The following SAMMSON variants were observed in gnomAD, a reference collection of about 807,000 sequenced individuals.
SAMMSON encodes survival associated mitochondrial melanoma specific oncogenic non-coding RNA, also known as long intergenic non-protein coding RNA 1212.
intron 1 of SAMMSON, among the ~76,000 whole-genome samples, chr3:70,005,344 GTTC>G (rs1327892348): frequency 7.2e-6 from 1 of 138,062 alleles, no homozygotes; most frequent in Non-Finnish European, 1.6e-5. Context: ...TATCTGGGCA[GTTC>G]TTCTGTTCCA....
intron 4 of SAMMSON, among the ~76,000 whole-genome samples, chr3:70,144,869 T>C (rs2067541652): frequency 6.6e-6 from 1 of 152,174 alleles, no homozygotes; most frequent in South Asian, 2.1e-4. Context: ...TATGTGGAAC[T>C]GTAAGTCCAA....
intron 4 of SAMMSON, among the ~76,000 whole-genome samples, chr3:70,136,935 G>A (rs2067508337): frequency 6.6e-6 from 1 of 152,092 alleles, no homozygotes; most frequent in African/African-American, 2.4e-5. Flanking sequence ...ATTTCAATAA[G>A]AGTCTTTATG....
intron 9 of SAMMSON, among the ~76,000 whole-genome samples, chr3:70,381,544 A>G (rs1448033002): frequency 6.6e-6 from 1 of 152,224 alleles, no homozygotes; most frequent in Non-Finnish European, 1.5e-5. Context: ...AAACTGTCAT[A>G]TTAATAAATG....
chr3:70,210,846 ATAAACT>A (rs1345217350), intron 4 of SAMMSON, among the ~76,000 whole-genome samples: 2 of 151,778 alleles, frequency 1.3e-5, no homozygotes, highest in Admixed American at 6.6e-5. Flanking sequence ...ACAAATGGAC[ATAAACT>A]TAAGTCAGAG....
intron 7 of SAMMSON, among the ~76,000 whole-genome samples, chr3:70,344,844 C>T (rs1482967438): frequency 6.6e-6 from 1 of 152,202 alleles, no homozygotes; most frequent in Non-Finnish European, 1.5e-5. Context: ...ATGCTCCAGG[C>T]TACTCTTCTA....
chr3:70,255,328 C>G (rs1250226982), intron 6 of SAMMSON, among the ~76,000 whole-genome samples: 3 of 152,088 alleles, frequency 2.0e-5, no homozygotes, highest in African/African-American at 7.2e-5. Context: ...AGTAAAAGTG[C>G]AGAAATAAAA....
At chr3:70,255,409 G>T (rs1457645069) in intron 6 of SAMMSON, among the ~76,000 whole-genome samples, 1 of 151,698 alleles carries the variant, frequency 6.6e-6, no homozygotes, top group Non-Finnish European at 1.5e-5. Context: ...AAGCATTTTG[G>T]TTCTGTGATT....
At chr3:70,217,015 A>G (rs1033134197) in intron 4 of SAMMSON, among the ~76,000 whole-genome samples, 18 of 152,156 alleles carry the variant, frequency 1.2e-4, no homozygotes, top group Admixed American at 6.5e-5. Context: ...ATCACCAGCC[A>G]TTGCTATCAC....
intron 7 of SAMMSON, among the ~76,000 whole-genome samples, chr3:70,331,658 T>C (rs1702622439): frequency 6.6e-6 from 1 of 152,252 alleles, no homozygotes; most frequent in Non-Finnish European, 1.5e-5. Flanking sequence ...TTTAAGCTTT[T>C]CTAAGCAGCA....
At chr3:70,108,806 G>A (rs1364494038) in intron 4 of SAMMSON, among the ~76,000 whole-genome samples, 1 of 152,052 alleles carries the variant, frequency 6.6e-6, no homozygotes, top group Non-Finnish European at 1.5e-5. Context: ...CAACCTTGCT[G>A]GCATTTTGAT....
intron 4 of SAMMSON, among the ~76,000 whole-genome samples, chr3:70,144,517 T>A (rs1250844476): frequency 1.3e-5 from 2 of 152,162 alleles, no homozygotes; most frequent in African/African-American, 4.8e-5. Context: ...TATCTCCCCC[T>A]GTGGAATCCT....
chr3:70,145,299 G>A (rs778325117), intron 4 of SAMMSON, among the ~76,000 whole-genome samples: 15 of 152,108 alleles, frequency 9.9e-5, no homozygotes, highest in Admixed American at 5.2e-4. Flanking sequence ...GAAAAACCTA[G>A]CAGACAGCAA....
At chr3:70,402,437 A>G (rs573600499) in intron 2 of SAMMSON, among the ~76,000 whole-genome samples, 1 of 152,306 alleles carries the variant, frequency 6.6e-6, no homozygotes, top group Non-Finnish European at 1.5e-5. Context: ...CTTAATGTGG[A>G]TGCTACATTG....
At chr3:70,028,149 TC>T (rs2067049492) in intron 3 of SAMMSON, among the ~76,000 whole-genome samples, 1 of 41,752 alleles carries the variant, frequency 2.4e-5, no homozygotes. Context: ...CTTCTTTCCT[TC>T]CTTCCTTCCT....
exon 2 of SAMMSON, chr3:70,012,577 G>A (rs935576518): frequency 1.3e-5 from 2 of 152,178 alleles, no homozygotes; most frequent in Non-Finnish European, 2.9e-5. Context: ...CCACTGTAAT[G>A]TCTGACCTCT....
intron 7 of SAMMSON, among the ~76,000 whole-genome samples, chr3:70,327,374 G>T (rs1003377882): frequency 1.3e-5 from 2 of 152,158 alleles, no homozygotes; most frequent in Non-Finnish European, 2.9e-5. Context: ...GAAAACAAGA[G>T]GAACTCTATG....
At chr3:70,033,927 A>G (rs2067075035) in intron 3 of SAMMSON, among the ~76,000 whole-genome samples, 1 of 152,174 alleles carries the variant, frequency 6.6e-6, no homozygotes, top group Non-Finnish European at 1.5e-5. Context: ...TTGGGCACGC[A>G]AAATCTGAAC....
chr3:70,366,914 T>G (rs1702925189), intron 9 of SAMMSON, among the ~76,000 whole-genome samples: 1 of 151,756 alleles, frequency 6.6e-6, no homozygotes, highest in Non-Finnish European at 1.5e-5. Flanking sequence ...ATTTGCATTT[T>G]CTTAGTGACA....
At chr3:70,321,034 G>C (rs1036642610) in intron 7 of SAMMSON, among the ~76,000 whole-genome samples, 1 of 151,988 alleles carries the variant, frequency 6.6e-6, no homozygotes, top group Non-Finnish European at 1.5e-5. Context: ...ACCCAGTAAA[G>C]GCTTAGCAAT....
Sources: gnomAD v4.1 joint callset for allele counts (sites outside exome capture counted in the v4.1 genomes callset) on GRCh38, gnomAD v4.1.1 for gene constraint, MANE v1.5 for transcripts, NCBI Gene and HGNC (gene_info 2026-07-23, HGNC 2026-07-21) for gene names.